The following ATP9A variants were observed in gnomAD, a reference collection of about 807,000 sequenced individuals.
ATP9A encodes the protein ATPase phospholipid transporting 9A, also known as probable phospholipid-transporting ATPase IIA.
Under a neutral mutation model 144.1 loss-of-function variants are expected in ATP9A, and 52 were observed. The observed-to-expected ratio is 0.36, with a 90% CI of 0.29 to 0.45. ATP9A has a LOEUF of 0.45. ATP9A is among the 20% of genes least tolerant of loss of function. The probability of loss-of-function intolerance (pLI) is 1.00; values close to 1 mark genes in which losing one functional copy is unlikely to be tolerated. For missense variants in ATP9A, 947 were observed against 1,392.7 expected (o/e 0.68, Z 5.09); for synonymous variants, 582 against 557.4 (o/e 1.04, Z -0.62).
intron 4 of ATP9A, among the ~76,000 whole-genome samples, chr20:51,704,754 T>G (rs1438625862): frequency 6.6e-6 from 1 of 152,148 alleles, no homozygotes; most frequent in African/African-American, 2.4e-5. Context: ...CACTCTAGCC[T>G]GGGCAACAAG....
At chr20:51,649,999 A>G (rs1336590272) in intron 14 of ATP9A, among the ~76,000 whole-genome samples, 5 of 152,136 alleles carry the variant, frequency 3.3e-5, no homozygotes, top group Non-Finnish European at 1.5e-5. Flanking sequence ...GAAGCAGGGA[A>G]GGCCAATGTG....
intron 13 of ATP9A, among the ~76,000 whole-genome samples, chr20:51,659,425 G>A (rs914482264): frequency 6.6e-6 from 1 of 152,174 alleles, no homozygotes; most frequent in Non-Finnish European, 1.5e-5. Context: ...TAACTTAATA[G>A]TCCCAAGGTG....
chr20:51,642,581 C>T (rs991553615), intron 14 of ATP9A, among the ~76,000 whole-genome samples: 4 of 151,696 alleles, frequency 2.6e-5, no homozygotes, highest in Admixed American at 2.6e-4. Context: ...TGCATTGCTG[C>T]GGAGGCTCTA....
chr20:51,727,788 G>A (rs541609655), intron 2 of ATP9A, among the ~76,000 whole-genome samples: 15 of 151,330 alleles, frequency 9.9e-5, no homozygotes, highest in African/African-American at 2.7e-4. Context: ...AAAAGTAGCC[G>A]GACATGGGAG....
At chr20:51,734,190 C>A (rs928212235) in intron 1 of ATP9A, among the ~76,000 whole-genome samples, 1 of 151,874 alleles carries the variant, frequency 6.6e-6, no homozygotes, top group Admixed American at 6.6e-5. Flanking sequence ...CACCATGCAG[C>A]CCAGGCTGGT....
intron 2 of ATP9A, among the ~76,000 whole-genome samples, chr20:51,728,350 G>A (rs1314016523): frequency 6.6e-6 from 1 of 152,148 alleles, no homozygotes; most frequent in African/African-American, 2.4e-5. Context: ...TTCACGGCTG[G>A]GAGCGCTGGC....
At position 51,635,450 on chromosome 20, in the gene ATP9A, G is replaced by A. The variant is rs1034449089; in HGVS notation, c.1668+3893C>T. 2.0e-5 allele frequency among the ~76,000 whole-genome samples: 3 copies of A among 152,194 alleles called. No homozygotes were observed. In the East Asian group the frequency reaches 5.8e-4, roughly 29 times the overall value. ...CATCAGATAGCAAATAGAAAACAGA[G>A]CCCCCAGTTAGGTGTGGTGGCTCAT... On this transcript the variant is annotated intron_variant, in intron 15 of 27. Coordinates refer to ENST00000338821, the MANE Select transcript of ATP9A (RefSeq NM_006045.3).
Position 51,615,729 on chromosome 20 carries a change from G to A in ATP9A, c.2415+1761C>T, listed in dbSNP as rs73616807. The stretch of plus-strand genomic sequence containing the variant: ...CCGCTCACTGCAACCTCTGCCTCCC[G>A]GGTTCAAGCAATTCTCCTGCCTCAG... On this transcript the variant is annotated intron_variant, in intron 22 of 27. Coordinates refer to ENST00000338821, the MANE Select transcript of ATP9A (RefSeq NM_006045.3). Among the ~76,000 whole-genome samples the A allele has an allele frequency of 6.5e-3, 988 of 152,208 alleles. 16 individuals are homozygous for A. Among genetic ancestry groups the A allele is most frequent in the African/African-American group, 0.023 (937 of 41,526 alleles).
intron 22 of ATP9A, among the ~76,000 whole-genome samples, chr20:51,616,760 A>C (rs2077204633): frequency 6.6e-6 from 1 of 152,116 alleles, no homozygotes; most frequent in Non-Finnish European, 1.5e-5. Flanking sequence ...ATTTCCTAAC[A>C]CACCAACTTT....
At chr20:51,678,650 C>T (rs1458745692) in intron 9 of ATP9A, among the ~76,000 whole-genome samples, 4 of 152,158 alleles carry the variant, frequency 2.6e-5, no homozygotes, top group Non-Finnish European at 5.9e-5. Context: ...CAGTGGGAAC[C>T]GAGCCCGGGC....
intron 22 of ATP9A, among the ~76,000 whole-genome samples, chr20:51,615,172 C>T (rs938473271): frequency 2.0e-5 from 3 of 152,032 alleles, no homozygotes; most frequent in African/African-American, 7.3e-5. Context: ...AGAGATCCAG[C>T]TGAAATATTT....
intron 2 of ATP9A, 94 bp downstream of exon 2, chr20:51,729,736 CTCTG>C (rs1200669065): frequency 2.2e-6 from 3 of 1,361,820 alleles, no homozygotes; most frequent in Non-Finnish European, 2.9e-6. Flanking sequence ...CAGAGTAAGA[CTCTG>C]TCTAAAAAAT....
rs192855982 is a variant in ATP9A at position 51,654,582 on chromosome 20, G to A, written c.1506+2356C>T. On this transcript the variant is annotated intron_variant, in intron 14 of 27. Transcript: ENST00000338821. ...ATGAGCCTTATGCTCATTTAAAGCC[G>A]GGCATGGTGGCACACGCCTGTAGTC... 6.1e-4 allele frequency among the ~76,000 whole-genome samples: 93 copies of A among 152,072 alleles called. 1 individual carries two copies. Among genetic ancestry groups the A allele is most frequent in the Admixed American group, 1.3e-3 (20 of 15,266 alleles).
At chr20:51,651,773 A>G (rs1353853663) in intron 14 of ATP9A, among the ~76,000 whole-genome samples, 2 of 152,034 alleles carry the variant, frequency 1.3e-5, no homozygotes, top group Admixed American at 6.6e-5. Context: ...TACTAAAAAT[A>G]TAAAAATTAA....
At chr20:51,653,563 A>G (rs2077375667) in intron 14 of ATP9A, among the ~76,000 whole-genome samples, 1 of 152,148 alleles carries the variant, frequency 6.6e-6, no homozygotes, top group Non-Finnish European at 1.5e-5. Context: ...AGGCAGAGAG[A>G]TCACTTAAGC....
At chr20:51,687,091 A>G (rs555063758) in intron 9 of ATP9A, among the ~76,000 whole-genome samples, 2 of 152,194 alleles carry the variant, frequency 1.3e-5, no homozygotes, top group African/African-American at 2.4e-5. Flanking sequence ...TTATTTGTTA[A>G]TAAATGACTT....
At chr20:51,673,922 T>G (rs1385795705) in intron 11 of ATP9A, among the ~76,000 whole-genome samples, 1 of 151,884 alleles carries the variant, frequency 6.6e-6, no homozygotes, top group Non-Finnish European at 1.5e-5. Flanking sequence ...TGGTGGTGCA[T>G]GCCTGTAATC....
intron 21 of ATP9A, 152 bp downstream of exon 21, chr20:51,618,510 G>A (rs2077212548): frequency 8.8e-7 from 1 of 1,133,468 alleles, no homozygotes; most frequent in Non-Finnish European, 1.2e-6. Context: ...AACAAAAAGA[G>A]CCAAAGTCTG....
chr20:51,649,314 T>C (rs576382984), intron 14 of ATP9A, among the ~76,000 whole-genome samples: 2 of 152,274 alleles, frequency 1.3e-5, no homozygotes, highest in African/African-American at 2.4e-5. Flanking sequence ...GTGGGTTGCA[T>C]AGTCCAGACT....
Sources: gnomAD v4.1 joint callset for allele counts (sites outside exome capture counted in the v4.1 genomes callset) on GRCh38, gnomAD v4.1.1 for gene constraint, MANE v1.5 for transcripts, NCBI Gene and HGNC (gene_info 2026-07-23, HGNC 2026-07-21) for gene names.